ASB4: variants seen among roughly 807,000 people sequenced by gnomAD.
The protein encoded by ASB4 is ankyrin repeat and SOCS box protein 4.
In ASB4, 35 loss-of-function variants were observed where a neutral mutation model predicts 38.6. That is an observed-to-expected ratio of 0.91 (90% CI 0.69 to 1.20). ASB4 has a LOEUF of 1.20. Among genes scored for constraint, ASB4 ranks in the 50% most tolerant of loss-of-function variants. The probability of loss-of-function intolerance (pLI) is 0.00; values close to 1 mark genes in which losing one functional copy is unlikely to be tolerated. For synonymous variants in ASB4, 195 were observed against 201.3 expected (o/e 0.97, Z 0.26); for missense variants, 557 against 527.2 (o/e 1.06, Z -0.55).
Position 95,537,738 on chromosome 7 carries a change from G to T in ASB4, c.1260G>T (p.Glu420Asp), listed in dbSNP as rs763947521. Reference protein sequence around the residue: ...PLSLKKYLLLEPEGIIY With the variant: ...PLSLKKYLLLDPEGIIY ...CATTGAAAAAGTACTTGCTTTTAGAGCCAGAGGGAATTATTTATTAAGCCT... is the reference window on the plus strand; with the variant it reads ...CATTGAAAAAGTACTTGCTTTTAGATCCAGAGGGAATTATTTATTAAGCCT... The change falls in exon 5 of 5, where the codon GAG becomes GAT. Residue 420 changes from glutamate to aspartate, a missense_variant. Glu to Asp is a conservative substitution (Grantham distance 45). Coordinates refer to ENST00000325885, the MANE Select transcript of ASB4 (RefSeq NM_016116.3). The T allele has an allele frequency of 6.2e-7, 1 of 1,613,570 alleles. No individual in the cohort carries two copies. The highest frequency in any genetic ancestry group is 8.5e-7 in the Non-Finnish European group (1 of 1,179,736).
the ASB4 span, among the ~76,000 whole-genome samples, chr7:95,550,792 CA>C: frequency 6.6e-6 from 1 of 152,108 alleles, no homozygotes; most frequent in Non-Finnish European, 1.5e-5. Flanking sequence ...GCAAGGACGG[CA>C]AAGGTTACTT....
At chr7:95,481,000 A>C (rs1464097294), upstream of ASB4, among the ~76,000 whole-genome samples, 1 of 152,184 alleles carries the variant, frequency 6.6e-6, no homozygotes, top group Non-Finnish European at 1.5e-5. Context: ...GAGCAATAGG[A>C]ACATTGGTTG....
At chr7:95,510,729 T>C (rs1790467904) in intron 2 of ASB4, among the ~76,000 whole-genome samples, 1 of 152,184 alleles carries the variant, frequency 6.6e-6, no homozygotes, top group Non-Finnish European at 1.5e-5. Context: ...CAGGTTTCCT[T>C]CTCTGACCCA....
chr7:95,504,772 T>C (rs1027559971), intron 2 of ASB4, among the ~76,000 whole-genome samples: 2 of 152,244 alleles, frequency 1.3e-5, no homozygotes, highest in Non-Finnish European at 2.9e-5. Flanking sequence ...AGAGACCCTC[T>C]GTTCTCAGAT....
At chr7:95,512,579 T>C (rs895357052) in intron 2 of ASB4, among the ~76,000 whole-genome samples, 2 of 152,222 alleles carry the variant, frequency 1.3e-5, no homozygotes, top group African/African-American at 4.8e-5. Flanking sequence ...CTTCTCAGAA[T>C]CTTTCATGTG....
At chr7:95,492,005 G>A (rs1172939045) in intron 1 of ASB4, among the ~76,000 whole-genome samples, 2 of 152,162 alleles carry the variant, frequency 1.3e-5, no homozygotes, top group African/African-American at 4.8e-5. Context: ...CTAAGCTATA[G>A]CCTGCAAACT....
intron 3 of ASB4, among the ~76,000 whole-genome samples, chr7:95,529,322 T>C (rs1242386493): frequency 6.6e-6 from 1 of 151,994 alleles, no homozygotes. Context: ...ACAAGAAGAG[T>C]TTGAAGTATA....
intron 1 of ASB4, among the ~76,000 whole-genome samples, chr7:95,480,409 C>A (rs113692909): frequency 1.0e-3 from 155 of 152,240 alleles, no homozygotes; most frequent in African/African-American, 3.5e-3. Context: ...GTTTTCACAC[C>A]TTTAACAAAA....
the ASB4 span, among the ~76,000 whole-genome samples, chr7:95,549,004 C>T: frequency 6.6e-6 from 1 of 152,158 alleles, no homozygotes; most frequent in African/African-American, 2.4e-5. Context: ...CAATCACTTG[C>T]ATACCAATGC....
In ASB4 at chr7:95,485,992, T is replaced by C; in HGVS notation, c.21T>C (p.Pro7=). ...GAAGGATGGACGGCACCACTGCCCC[T>C]GTCACTAAATCTGGAGCTGCCAAGT... The part of the protein sequence containing the change: MDGTTA[P]VTKSGAAKLV... Residue 7 remains proline, a synonymous_variant, in exon 1 of 5, where the codon CCT becomes CCC. Transcript: ENST00000325885. The C allele has an allele frequency of 6.2e-7, 1 of 1,613,986 alleles. No individual in the cohort carries two copies. Among genetic ancestry groups the C allele is most frequent in the Non-Finnish European group, 8.5e-7 (1 of 1,179,894 alleles).
At chr7:95,542,869 C>T (rs1790989133), downstream of ASB4, 1 of 152,180 alleles carries the variant, frequency 6.6e-6, no homozygotes, top group Non-Finnish European at 1.5e-5. Flanking sequence ...TATGCTGAAT[C>T]CAGTTATGGA....
intron 1 of ASB4, among the ~76,000 whole-genome samples, chr7:95,480,429 A>G (rs1470772796): frequency 6.6e-6 from 1 of 151,962 alleles, no homozygotes; most frequent in Non-Finnish European, 1.5e-5. Flanking sequence ...ATCCTCTCTC[A>G]CTCTGAATCA....
At chr7:95,547,808 G>T in the ASB4 span, among the ~76,000 whole-genome samples, 1 of 152,328 alleles carries the variant, frequency 6.6e-6, no homozygotes, top group Non-Finnish European at 1.5e-5. Flanking sequence ...CCCTGAGAAA[G>T]TGGGAATTCT....
intron 2 of ASB4, among the ~76,000 whole-genome samples, chr7:95,519,201 A>T (rs1790626165): frequency 6.6e-6 from 1 of 152,192 alleles, no homozygotes; most frequent in Admixed American, 6.5e-5. Flanking sequence ...GAAAAAAGCA[A>T]CCAACTGAAA....
intron 2 of ASB4, among the ~76,000 whole-genome samples, chr7:95,520,493 G>A (rs1790645681): frequency 6.6e-6 from 1 of 152,212 alleles, no homozygotes; most frequent in Admixed American, 6.5e-5. Context: ...AATAAGTTGA[G>A]AGGGTATTCT....
rs1458555605 is a variant in ASB4 at position 95,536,620 on chromosome 7, A to T, written c.1092+70A>T. The T allele has an allele frequency of 2.6e-6, 3 of 1,145,602 alleles. No homozygotes were observed. In the African/African-American group the frequency reaches 4.7e-5, roughly 18 times the overall value. 71.0% of individuals were successfully genotyped at this position (1,145,602 alleles called of 1,614,324 possible). On this transcript the variant is annotated intron_variant, in intron 4 of 4. Coordinates refer to ENST00000325885, the MANE Select transcript of ASB4 (RefSeq NM_016116.3). ...TCCAGACTGCTCTAGAAGTACAGAA[A>T]ATTGTAACAAAAAAGTTGGTTTTGA... is the stretch of plus-strand genomic sequence containing the variant.
intron 2 of ASB4, among the ~76,000 whole-genome samples, chr7:95,518,374 G>T (rs186852578): frequency 6.6e-6 from 1 of 152,248 alleles, no homozygotes; most frequent in Non-Finnish European, 1.5e-5. Context: ...GCAAGCCTCA[G>T]GTAGAGATGG....
intron 2 of ASB4, among the ~76,000 whole-genome samples, chr7:95,513,771 G>A (rs550710428): frequency 6.6e-6 from 1 of 152,058 alleles, no homozygotes; most frequent in Admixed American, 6.6e-5. Flanking sequence ...CCAGTTTGTG[G>A]TAACTTGTGA....
chr7:95,525,893 G>T (rs895419053), intron 2 of ASB4, among the ~76,000 whole-genome samples: 1 of 152,140 alleles, frequency 6.6e-6, no homozygotes. Flanking sequence ...ATGTACTCTT[G>T]GGTACCTTCC....
Sources: gnomAD v4.1 joint callset for allele counts (sites outside exome capture counted in the v4.1 genomes callset) on GRCh38, gnomAD v4.1.1 for gene constraint, MANE v1.5 for transcripts, NCBI Gene and HGNC (gene_info 2026-07-23, HGNC 2026-07-21) for gene names.